Variants in LRP1B observed in about 807,000 individuals in gnomAD.
LRP1B encodes low-density lipoprotein receptor-related protein 1B.
Under a neutral mutation model 556.6 loss-of-function variants are expected in LRP1B, and 217 were observed. That is an observed-to-expected ratio of 0.39 (90% confidence interval 0.35 to 0.44). The LOEUF (loss-of-function observed/expected upper bound fraction) is 0.44, where lower values mean the gene tolerates loss of function less well. Among genes scored for constraint, LRP1B ranks in the 20% least tolerant of loss-of-function variants. The pLI is 1.00. For missense variants in LRP1B, 5,053 were observed against 5,620.8 expected (o/e 0.90, Z 3.23); for synonymous variants, 2,047 against 1,865.8 (o/e 1.10, Z -2.50).
intron 86 of LRP1B, among the ~76,000 whole-genome samples, chr2:140,251,594 C>T (rs1359032831): frequency 1.3e-5 from 2 of 151,826 alleles, no homozygotes; most frequent in African/African-American, 4.8e-5. Flanking sequence ...TTGAATTTAT[C>T]CTCTTATACG....
intron 35 of LRP1B, among the ~76,000 whole-genome samples, 182 bp downstream of exon 35, chr2:140,769,031 A>AT (rs11421307): frequency 0.76 from 114,939 of 150,696 alleles, 44,538 homozygotes; most frequent in Non-Finnish European, 0.84. Flanking sequence ...ATTTTACTTG[A>AT]TTTTTTTTTC....
In LRP1B at chr2:140,874,634, T is replaced by A. The variant is rs544520680; in HGVS notation, c.4170-6371A>T. On this transcript the variant is annotated intron_variant, in intron 25 of 90. Coordinates refer to ENST00000389484, the MANE Select transcript of LRP1B (RefSeq NM_018557.3). ...CTAAGATTAATTTTTCTTTTTTTTT[T>A]AAATTAAGGTTACTACATCCGTTTA... Among the ~76,000 whole-genome samples, 14 of 152,036 alleles carry A rather than the reference T, an allele frequency of 9.2e-5. No homozygotes were observed. The East Asian group carries it at 2.7e-3, about 29-fold the overall frequency.
intron 16 of LRP1B, among the ~76,000 whole-genome samples, chr2:140,990,338 T>C (rs1478061519): frequency 6.6e-6 from 1 of 152,122 alleles, no homozygotes; most frequent in Non-Finnish European, 1.5e-5. Flanking sequence ...ATAACAAGTA[T>C]GTATTGAAAA....
intron 1 of LRP1B, among the ~76,000 whole-genome samples, chr2:142,005,112 T>C (rs1211110287): frequency 6.7e-6 from 1 of 148,576 alleles, no homozygotes; most frequent in East Asian, 1.9e-4. Flanking sequence ...ATTAGTTATT[T>C]ACTATATATA....
chr2:141,462,091 A>C (rs1467496226), intron 3 of LRP1B, among the ~76,000 whole-genome samples: 2 of 152,170 alleles, frequency 1.3e-5, no homozygotes, highest in Non-Finnish European at 2.9e-5. Flanking sequence ...AGTTGGTATA[A>C]ATCAATTTTC....
At chr2:141,212,222 C>T (rs1682586467) in intron 6 of LRP1B, among the ~76,000 whole-genome samples, 1 of 130,380 alleles carries the variant, frequency 7.7e-6, no homozygotes, top group Admixed American at 8.2e-5. Context: ...TACTTTTCCC[C>T]CAAGATATAT....
At chr2:141,968,447 C>A (rs1156628545) in intron 1 of LRP1B, among the ~76,000 whole-genome samples, 1 of 151,044 alleles carries the variant, frequency 6.6e-6, no homozygotes, top group African/African-American at 2.4e-5. Context: ...GCTTGCAATC[C>A]CCAACCCTGG....
At position 141,323,833 on chromosome 2, in the gene LRP1B, C is replaced by T. The variant is rs1049958066; in HGVS notation, c.344-69192G>A. ...TCAGCTTAAAAGTGAAAAATAGATG[C>T]CATGGTAGTGCAAAGGAAAACACAC... On this transcript the variant is annotated intron_variant, in intron 3 of 90. Coordinates refer to ENST00000389484, the MANE Select transcript of LRP1B (RefSeq NM_018557.3). Among the ~76,000 whole-genome samples, 13 of 151,590 alleles carry T rather than the reference C, an allele frequency of 8.6e-5. 1 individual carries two copies. The highest frequency in any genetic ancestry group is 6.3e-3 in the Middle Eastern group (2 of 316).
intron 3 of LRP1B, among the ~76,000 whole-genome samples, chr2:141,322,461 G>A (rs780876545): frequency 5.3e-5 from 8 of 151,998 alleles, no homozygotes; most frequent in Non-Finnish European, 7.4e-5. Flanking sequence ...TGGGATATTC[G>A]AATTGTTGAG....
At chr2:141,027,486 A>G (rs1250909988) in intron 11 of LRP1B, among the ~76,000 whole-genome samples, 1 of 152,114 alleles carries the variant, frequency 6.6e-6, no homozygotes, top group African/African-American at 2.4e-5. Context: ...ATATGAAGGG[A>G]AGTGAAATAT....
intron 1 of LRP1B, among the ~76,000 whole-genome samples, chr2:141,964,809 A>C (rs1323898551): frequency 1.3e-5 from 2 of 152,076 alleles, no homozygotes; most frequent in African/African-American, 4.8e-5. Context: ...TGAACAGGCA[A>C]CCTACAGAAT....
intron 37 of LRP1B, among the ~76,000 whole-genome samples, chr2:140,713,306 G>A (rs1687097948): frequency 6.8e-6 from 1 of 147,458 alleles, no homozygotes; most frequent in South Asian, 2.1e-4. Context: ...ATTGGGATTT[G>A]CAGTGAAAAA....
At chr2:141,185,922 T>G (rs796311734) in intron 7 of LRP1B, among the ~76,000 whole-genome samples, 3 of 151,282 alleles carry the variant, frequency 2.0e-5, no homozygotes, top group African/African-American at 7.3e-5. Flanking sequence ...CTACTAAAAA[T>G]ACAAAAATTA....
intron 3 of LRP1B, among the ~76,000 whole-genome samples, chr2:141,314,889 TATATAC>T (rs372045477): frequency 1.3e-4 from 19 of 144,046 alleles, no homozygotes; most frequent in South Asian, 2.1e-4. Flanking sequence ...CATATATACA[TATATAC>T]ATATATATAT....
chr2:141,062,465 G>A (rs116261176), intron 7 of LRP1B, among the ~76,000 whole-genome samples, 192 bp from the exon 8 acceptor site: 2,454 of 151,916 alleles, frequency 0.016, 31 homozygotes, highest in Middle Eastern at 0.027. Flanking sequence ...CAGGGCATAA[G>A]GGAGCAGGTT....
intron 65 of LRP1B, among the ~76,000 whole-genome samples, 167 bp downstream of exon 65, chr2:140,444,163 T>G (rs1368847802): frequency 6.6e-6 from 1 of 152,202 alleles, no homozygotes; most frequent in Non-Finnish European, 1.5e-5. Context: ...TTTCTCTATA[T>G]TTTTATTTAG....
At chr2:140,275,337 C>T (rs1407115344) in intron 84 of LRP1B, among the ~76,000 whole-genome samples, 1 of 152,040 alleles carries the variant, frequency 6.6e-6, no homozygotes, top group Non-Finnish European at 1.5e-5. Context: ...TCTTCTTCTT[C>T]CCCTGGCCCT....
At chr2:140,838,633 T>C (rs907711688) in intron 31 of LRP1B, among the ~76,000 whole-genome samples, 8 of 152,158 alleles carry the variant, frequency 5.3e-5, no homozygotes, top group African/African-American at 1.9e-4. Context: ...TCATGATATA[T>C]TGATTCTTTT....
intron 7 of LRP1B, among the ~76,000 whole-genome samples, chr2:141,124,406 G>T (rs887771753): frequency 2.0e-5 from 3 of 152,046 alleles, no homozygotes; most frequent in African/African-American, 7.2e-5. Context: ...ATATGTTCTT[G>T]CTCTTTCATT....
Sources: allele counts gnomAD v4.1 joint callset (sites outside exome capture counted in the v4.1 genomes callset), GRCh38; gene constraint gnomAD v4.1.1; transcripts MANE v1.5; gene names NCBI Gene and HGNC (gene_info 2026-07-23, HGNC 2026-07-21).